WTIP: variants seen among roughly 807,000 people sequenced by gnomAD.
The protein encoded by WTIP is WT1 interacting protein.
WTIP carries 23 observed loss-of-function variants against 41.7 expected under a neutral mutation model. That is an observed-to-expected ratio of 0.55 (90% CI 0.40 to 0.78). The LOEUF is 0.78. Ranked by LOEUF, WTIP falls within the 30% of genes least tolerant of loss-of-function variation. The pLI is 0.00. For synonymous variants in WTIP, 314 were observed against 269.9 expected, an observed-to-expected ratio of 1.16 and a Z score of -1.60; for missense variants, 619 against 610.5, an observed-to-expected ratio of 1.01 and a Z score of -0.15.
At chr19:34,485,569 G>A (rs1056648498) in intron 1 of WTIP, among the ~76,000 whole-genome samples, 1 of 151,970 alleles carries the variant, frequency 6.6e-6, no homozygotes, top group Non-Finnish European at 1.5e-5. Flanking sequence ...CTCGTCCTCA[G>A]AGTGTGGCTT....
In WTIP at chr19:34,482,301, C is replaced by T; in HGVS notation, c.327C>T (p.Gly109=). ...GGGGGSARSS[G]ISLGYDQRHG... is the part of the protein sequence containing the mutation. Reference sequence around the variant, plus strand: ...GTGGCGGCAGCGCCCGATCCAGCGGCATCAGCCTGGGCTACGACCAGCGCC... The same window carrying T: ...GTGGCGGCAGCGCCCGATCCAGCGGTATCAGCCTGGGCTACGACCAGCGCC... Residue 109 remains glycine (G), a synonymous_variant, in exon 1 of 8, where the codon GGC becomes GGT. Transcript: ENST00000590071. 1 of 1,366,574 alleles carries T rather than the reference C, an allele frequency of 7.3e-7. No homozygotes were observed. The highest frequency in any genetic ancestry group is 9.5e-7 in the Non-Finnish European group (1 of 1,051,938). 84.7% of individuals were successfully genotyped at this position (1,366,574 alleles called of 1,614,324 possible).
rs974374394 is a variant in WTIP, at chr19:34,510,144, G to A, written c.*9875G>A. ...GTACCCCAGTAGGGATACTGTGTTT[G>A]GGCTCTGACCCCACATTTCCCTTCT... is the stretch of plus-strand genomic sequence containing the variant. On this transcript the variant is annotated 3_prime_UTR_variant, in exon 8 of 8. Coordinates refer to ENST00000590071, the MANE Select transcript of WTIP (RefSeq NM_001080436.2). The A allele has an allele frequency of 6.6e-6, 1 of 152,178 alleles. No homozygotes were observed. Among genetic ancestry groups the A allele is most frequent in the African/African-American group, 2.4e-5 (1 of 41,442 alleles). The allele number at this position is 152,178 out of a possible 1,614,324, so 9.4% of individuals were successfully genotyped here.
At chr19:34,492,995 C>T (rs1323963938) in intron 2 of WTIP, 42 bp from the exon 3 acceptor site, 2 of 1,600,992 alleles carry the variant, frequency 1.2e-6, no homozygotes, top group Admixed American at 1.7e-5. Context: ...CATCCCTGGT[C>T]CCCAGCGTTC....
intron 7 of WTIP, among the ~76,000 whole-genome samples, chr19:34,496,298 G>A (rs1005035787): frequency 6.6e-5 from 10 of 152,216 alleles, no homozygotes; most frequent in African/African-American, 9.6e-5. Flanking sequence ...AACCTCCTGA[G>A]TAGCTATCAC....
Position 34,503,113 on chromosome 19 carries a change from C to T in WTIP, c.*2844C>T, listed in dbSNP as rs2075896136. On this transcript the variant is annotated 3_prime_UTR_variant, in exon 8 of 8. Coordinates refer to ENST00000590071, the MANE Select transcript of WTIP (RefSeq NM_001080436.2). Reference sequence around the variant, plus strand: ...CATCACAGCTTGGAGTCCCCCCAACCCCACCCAAGTAACACACTTTGTCAA... The same window carrying T: ...CATCACAGCTTGGAGTCCCCCCAACTCCACCCAAGTAACACACTTTGTCAA... 1 of 152,948 alleles carries T rather than the reference C, an allele frequency of 6.5e-6. No individual in the cohort carries two copies. Among genetic ancestry groups the T allele is most frequent in the Non-Finnish European group, 1.5e-5 (1 of 68,626 alleles). The allele number at this position is 152,948 out of a possible 1,614,324, so 9.5% of individuals were successfully genotyped here. A position where few individuals can be genotyped will look rare whatever the true frequency, so the allele number is the denominator to read the frequency against.
At chr19:34,491,780 G>A (rs189646389) in intron 2 of WTIP, among the ~76,000 whole-genome samples, 1 of 152,116 alleles carries the variant, frequency 6.6e-6, no homozygotes, top group East Asian at 1.9e-4. Flanking sequence ...GAGTAGCTGG[G>A]ACTATAGGCG....
chr19:34,496,375 T>C (rs1160073011), intron 7 of WTIP, among the ~76,000 whole-genome samples: 1 of 152,184 alleles, frequency 6.6e-6, no homozygotes, highest in Non-Finnish European at 1.5e-5. Flanking sequence ...TTCATCATGT[T>C]ACCCAGGCTG....
chr19:34,495,557 C>A, intron 6 of WTIP, 146 bp from the exon 7 acceptor site: 1 of 813,976 alleles, frequency 1.2e-6, no homozygotes. Flanking sequence ...GCCTGTCCCG[C>A]CCCACAGAAG....
chr19:34,498,179 G>A (rs1182469006), intron 7 of WTIP, among the ~76,000 whole-genome samples: 2 of 152,102 alleles, frequency 1.3e-5, no homozygotes, highest in Non-Finnish European at 2.9e-5. Flanking sequence ...AGGGGCTCTG[G>A]GTAACGGGTC....
intron 1 of WTIP, among the ~76,000 whole-genome samples, chr19:34,488,306 C>T (rs551504303): frequency 3.9e-5 from 6 of 152,066 alleles, no homozygotes; most frequent in Non-Finnish European, 8.8e-5. Context: ...GAACTCCTGA[C>T]CTCCTGATCC....
intron 1 of WTIP, among the ~76,000 whole-genome samples, chr19:34,484,981 G>A (rs960683474): frequency 1.3e-5 from 2 of 149,586 alleles, no homozygotes; most frequent in Admixed American, 6.7e-5. Flanking sequence ...CTGTTGTAGC[G>A]CCCTGAGAGT....
chr19:34,493,319 G>A lies in WTIP; in HGVS notation c.894G>A (p.Met298Ile). 6.2e-7 allele frequency: 1 copy of A among 1,612,854 alleles called. No homozygotes were observed. The highest frequency in any genetic ancestry group is 8.5e-7 in the Non-Finnish European group (1 of 1,179,542). Residue 298 changes from methionine to isoleucine, a missense_variant, in exon 4 of 8, where the codon ATG (methionine) becomes ATA (isoleucine). Physicochemically the swap from Met to Ile is conservative, Grantham distance 10 (BLOSUM62 1). Transcript: ENST00000590071. This position sits in a 1 kb window ranked among gnomAD's most constrained non-coding sequence, Gnocchi z 4.1. Reference protein sequence around the residue: ...DKCSVCGHLIMEMILQALGKS... With the variant: ...DKCSVCGHLIIEMILQALGKS... ...GCAGCGTGTGTGGACATCTCATCAT[G>A]GAAATGGTGAGCCCCTGCCCCAGCC...
chr19:34,482,072 G>A lies in WTIP; in HGVS notation c.98G>A (p.Gly33Glu). The A allele has an allele frequency of 4.8e-6, 5 of 1,035,740 alleles. No homozygotes were observed. The highest frequency in any genetic ancestry group is 5.8e-6 in the Non-Finnish European group (5 of 863,920). 64.2% of individuals were successfully genotyped at this position (1,035,740 alleles called of 1,614,324 possible). Residue 33 changes from glycine to glutamate, a missense_variant, in exon 1 of 8, where the codon GGG (glycine) becomes GAG (glutamate). Transcript: ENST00000590071. ...LEPGCGSPGR[G>E]RRGPRPGPGD... is the part of the protein sequence containing the mutation. ...CCCGGGTGCGGCTCTCCCGGTCGGG[G>A]GCGGCGGGGGCCGCGGCCTGGGCCT... is the stretch of plus-strand genomic sequence containing the variant.
At chr19:34,498,310 G>A (rs2075866364) in intron 7 of WTIP, among the ~76,000 whole-genome samples, 1 of 152,138 alleles carries the variant, frequency 6.6e-6, no homozygotes, top group Admixed American at 6.5e-5. Context: ...ACCCGGGGGT[G>A]GCATTCATCC....
intron 2 of WTIP, among the ~76,000 whole-genome samples, chr19:34,491,427 G>T (rs898623338): frequency 5.3e-5 from 8 of 151,912 alleles, no homozygotes; most frequent in Admixed American, 2.0e-4. Flanking sequence ...TGGTTCAAGC[G>T]ATTCTTCTGC....
At chr19:34,496,166 T>A (rs986787361) in intron 7 of WTIP, among the ~76,000 whole-genome samples, 6 of 151,818 alleles carry the variant, frequency 4.0e-5, no homozygotes, top group South Asian at 2.1e-4. Flanking sequence ...TCAAAAAAAA[T>A]TTTTTTTTAA....
intron 1 of WTIP, among the ~76,000 whole-genome samples, chr19:34,486,588 C>CA (rs1353366571): frequency 1.3e-5 from 2 of 152,060 alleles, no homozygotes; most frequent in Non-Finnish European, 2.9e-5. Context: ...AGGATGGTCT[C>CA]ATCTCCTGAC....
rs111541652 is a variant in WTIP at position 34,510,027 on chromosome 19, G to A, written c.*9758G>A. 3.4e-3 allele frequency: 524 copies of A among 152,284 alleles called. 2 individuals are homozygous for A. Among genetic ancestry groups the A allele is most frequent in the African/African-American group, 0.012 (497 of 41,520 alleles). The allele number at this position is 152,284 out of a possible 1,614,324, so 9.4% of individuals were successfully genotyped here. A position where few individuals can be genotyped will look rare whatever the true frequency, so the allele number is the denominator to read the frequency against. On this transcript the variant is annotated 3_prime_UTR_variant, in exon 8 of 8. Transcript: ENST00000590071. ...TCATGGGCTGGCATTGAGTGTCTGCGGCTTTTCCAGGCACCTTGTACAAGC... is the reference window on the plus strand; with the variant it reads ...TCATGGGCTGGCATTGAGTGTCTGCAGCTTTTCCAGGCACCTTGTACAAGC...
At position 34,502,762 on chromosome 19, in the gene WTIP, G is replaced by A. The variant is rs1207124913; in HGVS notation, c.*2493G>A. The A allele has an allele frequency of 1.3e-5, 2 of 151,844 alleles. No individual in the cohort carries two copies. Among genetic ancestry groups the A allele is most frequent in the Non-Finnish European group, 2.9e-5 (2 of 68,014 alleles). 9.4% of individuals were successfully genotyped at this position (151,844 alleles called of 1,614,324 possible). A position where few individuals can be genotyped will look rare whatever the true frequency, so the allele number is the denominator to read the frequency against. On this transcript the variant is annotated 3_prime_UTR_variant, in exon 8 of 8. Transcript: ENST00000590071. Reference sequence around the variant, plus strand: ...AGTTGAGAGGGGGTTTCAGCATGTTGGCCAGGTTGGTGTCAAACTCCTGAC... The same window carrying A: ...AGTTGAGAGGGGGTTTCAGCATGTTAGCCAGGTTGGTGTCAAACTCCTGAC...
Sources: gnomAD v4.1 joint callset for allele counts (sites outside exome capture counted in the v4.1 genomes callset) on GRCh38, gnomAD v4.1.1 for gene constraint, Gnocchi (gnomAD v3.1) non-coding constraint, MANE v1.5 for transcripts, NCBI Gene and HGNC (gene_info 2026-07-23, HGNC 2026-07-21) for gene names.